Variants in CD99L2 observed in about 807,000 individuals in gnomAD.
CD99L2 encodes the protein CD99 antigen-like protein 2.
CD99L2 carries 24 observed loss-of-function variants against 27.3 expected under a neutral mutation model. That is an observed-to-expected ratio of 0.88 (90% CI 0.64 to 1.24). The LOEUF is 1.24. CD99L2 is among the 50% of genes most tolerant of loss of function. CD99L2 has a pLI of 0.00. For missense variants in CD99L2, 255 were observed against 221.6 expected (o/e 1.15, Z -0.96); for synonymous variants, 97 against 87.9 (o/e 1.10, Z -0.58).
chrX:150,836,374 G>A (rs1480989603), intron 1 of CD99L2, among the ~76,000 whole-genome samples: 2 of 110,168 alleles, frequency 1.8e-5, no homozygotes, highest in East Asian at 2.8e-4. Context: ...ATGGAGTTTC[G>A]CTCTTGTTGC....
Position 150,803,004 on chromosome X carries a change from T to C in CD99L2, c.278-7518A>G, listed in dbSNP as rs183740989. Among the ~76,000 whole-genome samples the C allele has an allele frequency of 3.6e-3, 361 of 99,257 alleles. 7 individuals are homozygous for C. The Admixed American group carries it at 0.037, about 10-fold the overall frequency. 86.2% of individuals were successfully genotyped at this position (99,257 alleles called of 115,157 possible). On this transcript the variant is annotated intron_variant, in intron 4 of 10. Coordinates refer to ENST00000370377, the MANE Select transcript of CD99L2 (RefSeq NM_031462.4). ...TCCACCTCCCGGGTTCAAGCAATTC[T>C]CCTGCCTCAGCCTCCTGAGTAACTG...
At chrX:150,862,836 A>AAGAG (rs368518966) in intron 1 of CD99L2, among the ~76,000 whole-genome samples, 8 of 106,091 alleles carry the variant, frequency 7.5e-5, no homozygotes, top group Non-Finnish European at 9.7e-5. Flanking sequence ...AAGAAAGAGA[A>AAGAG]AGAGAGAGAG....
chrX:150,806,319 G>T lies in CD99L2; in HGVS notation c.277+8543C>A, dbSNP rs782164276. ...CACCCAGGCTGCAGTGCAGTGGCACGATCATAGCTCACCACAGTGTAGAAC... is the reference window on the plus strand; with the variant it reads ...CACCCAGGCTGCAGTGCAGTGGCACTATCATAGCTCACCACAGTGTAGAAC... On this transcript the variant is annotated intron_variant, in intron 4 of 10. Coordinates refer to ENST00000370377, the MANE Select transcript of CD99L2 (RefSeq NM_031462.4). 5.4e-5 allele frequency among the ~76,000 whole-genome samples: 6 copies of T among 111,992 alleles called. No individual in the cohort carries two copies. The East Asian group carries it at 1.7e-3, about 32-fold the overall frequency.
At chrX:150,824,707 GGAAGAAGAA>G (rs10695052) in intron 2 of CD99L2, among the ~76,000 whole-genome samples, 1 of 93,619 alleles carries the variant, frequency 1.1e-5, no homozygotes, top group African/African-American at 4.0e-5. Context: ...AAGAGGAAGA[GGAAGAAGAA>G]GAAGAAGAAG....
At chrX:150,781,871 G>A (rs1293595941) in intron 7 of CD99L2, among the ~76,000 whole-genome samples, 2 of 112,129 alleles carry the variant, frequency 1.8e-5, no homozygotes, top group Non-Finnish European at 3.8e-5. Flanking sequence ...TAAGCCCTGC[G>A]ATCAAAGGAA....
intron 1 of CD99L2, among the ~76,000 whole-genome samples, chrX:150,867,085 T>C (rs1468596208): frequency 8.9e-6 from 1 of 112,083 alleles, no homozygotes; most frequent in Non-Finnish European, 1.9e-5. Flanking sequence ...AAGACATTCC[T>C]TTTTTACTTT....
chrX:150,770,222 CT>C, intron 10 of CD99L2, 81 bp downstream of exon 10: 1 of 970,109 alleles, frequency 1.0e-6, no homozygotes, highest in Middle Eastern at 2.6e-4. Context: ...CTGTGCTTCC[CT>C]GCTTCTCTAG....
intron 1 of CD99L2, among the ~76,000 whole-genome samples, chrX:150,875,654 C>T (rs2047217406): frequency 8.9e-6 from 1 of 112,020 alleles, no homozygotes; most frequent in Non-Finnish European, 1.9e-5. Flanking sequence ...TGTCCCCACC[C>T]AAATCTCATC....
At chrX:150,847,994 G>A (rs2046727322) in intron 1 of CD99L2, among the ~76,000 whole-genome samples, 1 of 110,117 alleles carries the variant, frequency 9.1e-6, no homozygotes, top group East Asian at 2.9e-4. Flanking sequence ...CAGGCAGGGA[G>A]TCCTCCTTTT....
In CD99L2 at chrX:150,873,324, C is replaced by T. The variant is rs147374115; in HGVS notation, c.67+25198G>A. On this transcript the variant is annotated intron_variant, in intron 1 of 10. Coordinates refer to ENST00000370377, the MANE Select transcript of CD99L2 (RefSeq NM_031462.4). ...CGAGTCAGTTGCAAAAAGCCACATA[C>T]GGTATGAGTCCACTTACAAGAAATG... 7.6e-3 allele frequency among the ~76,000 whole-genome samples: 849 copies of T among 112,091 alleles called. 7 individuals are homozygous for T. The highest frequency in any genetic ancestry group is 0.026 in the African/African-American group (805 of 30,831).
intron 10 of CD99L2, among the ~76,000 whole-genome samples, chrX:150,769,655 T>A (rs2043382782): frequency 9.2e-6 from 1 of 108,234 alleles, no homozygotes; most frequent in African/African-American, 3.4e-5. Flanking sequence ...AACACTCGCC[T>A]GAGCTGTCCT....
chrX:150,828,285 T>A (rs1389097140), intron 2 of CD99L2: 2 of 111,899 alleles, frequency 1.8e-5, no homozygotes, highest in African/African-American at 6.5e-5. Flanking sequence ...ACAGTAAGGC[T>A]AATGCTTACT....
At chrX:150,770,419 C>T in intron 9 of CD99L2, 50 bp from the exon 10 acceptor site, 2 of 1,116,083 alleles carry the variant, frequency 1.8e-6, no homozygotes, top group Non-Finnish European at 2.5e-6. Flanking sequence ...ACCTAAGGGT[C>T]CCCAATCGTG....
intron 2 of CD99L2, among the ~76,000 whole-genome samples, chrX:150,830,609 T>C (rs145590887): frequency 1.8e-5 from 2 of 110,879 alleles, no homozygotes; most frequent in East Asian, 5.7e-4. Context: ...AACAAATCTT[T>C]TATTCACTTC....
chrX:150,863,173 C>A (rs1297352639), intron 1 of CD99L2, among the ~76,000 whole-genome samples: 1 of 112,054 alleles, frequency 8.9e-6, no homozygotes, highest in Admixed American at 9.5e-5. Context: ...CACCATGGTT[C>A]TGTTCTTATT....
intron 2 of CD99L2, among the ~76,000 whole-genome samples, chrX:150,830,557 AAG>A (rs1308611555): frequency 8.2e-4 from 2 of 2,448 alleles, no homozygotes; most frequent in Non-Finnish European, 0.022. Flanking sequence ...ATCCTGTGTC[AAG>A]AAAAAAAAAA....
intron 1 of CD99L2, among the ~76,000 whole-genome samples, chrX:150,834,270 G>A (rs1398331221): frequency 8.9e-6 from 1 of 111,852 alleles, no homozygotes; most frequent in Non-Finnish European, 1.9e-5. Flanking sequence ...AAGGCAGGCA[G>A]TTCACGAGGT....
intron 6 of CD99L2, among the ~76,000 whole-genome samples, chrX:150,794,362 A>G (rs981443657): frequency 1.8e-5 from 2 of 112,136 alleles, no homozygotes; most frequent in African/African-American, 6.5e-5. Context: ...GACTGCAGCT[A>G]TATGAGCTCC....
intron 1 of CD99L2, 89 bp downstream of exon 1, chrX:150,898,433 G>C (rs2124406798): frequency 1.3e-6 from 1 of 775,419 alleles, no homozygotes; most frequent in African/African-American, 2.3e-5. Context: ...CCCGAGAGGC[G>C]GGGACCGTGC....
Sources: gnomAD v4.1 joint callset for allele counts (sites outside exome capture counted in the v4.1 genomes callset) on GRCh38, gnomAD v4.1.1 for gene constraint, MANE v1.5 for transcripts, NCBI Gene and HGNC (gene_info 2026-07-23, HGNC 2026-07-21) for gene names.